PTPRM: variants seen among roughly 807,000 people sequenced by gnomAD.
The protein encoded by PTPRM is receptor-type tyrosine-protein phosphatase mu.
A neutral mutation model predicts 186.7 loss-of-function variants in PTPRM; 47 were observed. The ratio of observed to expected loss-of-function variants is 0.25; its 90% confidence interval spans 0.20 to 0.32. The LOEUF (loss-of-function observed/expected upper bound fraction) is 0.32. PTPRM is among the 10% of genes least tolerant of loss of function. The pLI, the probability that PTPRM is intolerant of heterozygous loss-of-function variation, is 1.00. For synonymous variants in PTPRM, 668 were observed against 674.9 expected (o/e 0.99, Z 0.16); for missense variants, 1,494 against 1,865.0 (o/e 0.80, Z 3.66).
intron 32 of PTPRM, among the ~76,000 whole-genome samples, chr18:8,400,787 G>A (rs566083334): frequency 1.6e-4 from 24 of 152,344 alleles, no homozygotes; most frequent in Middle Eastern, 3.4e-3. Flanking sequence ...GGGGCCTACA[G>A]CTCTCCCCCT....
At position 8,024,583 on chromosome 18, in the gene PTPRM, G is replaced by C. The variant is rs550352942; in HGVS notation, c.1133-45103G>C. ...CACTCAACTTATAGGTGACCATTTT[G>C]CACTTCAGAGCCTTAAATTGTCCAT... On this transcript the variant is annotated intron_variant, in intron 7 of 32. Coordinates refer to ENST00000580170, the MANE Select transcript of PTPRM (RefSeq NM_001105244.2). Among the ~76,000 whole-genome samples the C allele has an allele frequency of 2.0e-5, 3 of 151,594 alleles. No individual in the cohort carries two copies. In the South Asian group the frequency reaches 6.2e-4, roughly 32 times the overall value.
At chr18:7,634,521 G>A (rs940280391) in intron 1 of PTPRM, among the ~76,000 whole-genome samples, 8 of 152,138 alleles carry the variant, frequency 5.3e-5, no homozygotes, top group Admixed American at 5.2e-4. Context: ...CTTGTTAAAG[G>A]TCTATTCCTT....
chr18:7,884,881 G>A (rs1398842684), intron 2 of PTPRM, among the ~76,000 whole-genome samples: 2 of 117,800 alleles, frequency 1.7e-5, no homozygotes, highest in Non-Finnish European at 3.2e-5. Flanking sequence ...CTGAGATCAC[G>A]CCATTGCACT....
chr18:8,126,119 G>C (rs901618750), intron 13 of PTPRM, among the ~76,000 whole-genome samples: 6 of 147,870 alleles, frequency 4.1e-5, no homozygotes, highest in Non-Finnish European at 8.9e-5. Context: ...TGTCTGTCTT[G>C]TTCCCAGTGT....
At chr18:7,882,271 T>G (rs2048547652) in intron 2 of PTPRM, among the ~76,000 whole-genome samples, 1 of 152,232 alleles carries the variant, frequency 6.6e-6, no homozygotes, top group South Asian at 2.1e-4. Context: ...AATTCATGTT[T>G]ATTGTATTTT....
At chr18:7,912,808 T>G (rs1016779567) in intron 4 of PTPRM, among the ~76,000 whole-genome samples, 1 of 152,094 alleles carries the variant, frequency 6.6e-6, no homozygotes, top group African/African-American at 2.4e-5. Flanking sequence ...CATGAGCCAC[T>G]GCGCCCAGCC....
chr18:7,884,083 G>A (rs1271730242), intron 2 of PTPRM, among the ~76,000 whole-genome samples: 1 of 152,122 alleles, frequency 6.6e-6, no homozygotes, highest in Non-Finnish European at 1.5e-5. Flanking sequence ...GGAGGTCGAG[G>A]CTGCTATGAG....
chr18:7,979,637 G>A (rs780277875), intron 7 of PTPRM, among the ~76,000 whole-genome samples: 6 of 152,194 alleles, frequency 3.9e-5, no homozygotes, highest in Admixed American at 6.5e-5. Flanking sequence ...CTCAGGAAAC[G>A]ACATCGTTTT....
At chr18:7,804,161 C>T (rs971247723) in intron 2 of PTPRM, among the ~76,000 whole-genome samples, 8 of 152,126 alleles carry the variant, frequency 5.3e-5, no homozygotes, top group Non-Finnish European at 1.2e-4. Flanking sequence ...ACTTCATCAT[C>T]GGTTGGGGTG....
chr18:7,830,246 A>G (rs1598932644), intron 2 of PTPRM, among the ~76,000 whole-genome samples: 1 of 152,112 alleles, frequency 6.6e-6, no homozygotes, highest in Middle Eastern at 3.4e-3. Flanking sequence ...GAGGAGTGGG[A>G]CACTCCTCAG....
chr18:7,632,648 C>T (rs911722622), intron 1 of PTPRM, among the ~76,000 whole-genome samples: 2 of 152,160 alleles, frequency 1.3e-5, no homozygotes, highest in Non-Finnish European at 2.9e-5. Flanking sequence ...AAAATTCCAG[C>T]CATCAACTGT....
intron 1 of PTPRM, among the ~76,000 whole-genome samples, chr18:7,613,393 G>A (rs1021164829): frequency 3.9e-5 from 6 of 152,202 alleles, no homozygotes; most frequent in East Asian, 1.9e-4. Flanking sequence ...TGAAAATACC[G>A]GCCAGGCGCG....
intron 1 of PTPRM, among the ~76,000 whole-genome samples, chr18:7,773,619 C>T (rs1013963487): frequency 1.3e-5 from 2 of 149,374 alleles, no homozygotes; most frequent in Non-Finnish European, 3.0e-5. Flanking sequence ...AGATTTTCGC[C>T]CTGTCGCCCA....
At chr18:8,091,295 A>G (rs2090710833) in intron 11 of PTPRM, among the ~76,000 whole-genome samples, 1 of 152,166 alleles carries the variant, frequency 6.6e-6, no homozygotes. Flanking sequence ...AGGAAGGGTC[A>G]TGTCAGTATT....
chr18:7,796,001 A>G (rs1179616377), intron 2 of PTPRM, among the ~76,000 whole-genome samples: 2 of 151,700 alleles, frequency 1.3e-5, no homozygotes, highest in Non-Finnish European at 2.9e-5. Context: ...ATAGAGACAG[A>G]GTTTCACTAT....
At chr18:8,036,487 C>T (rs2086337864) in intron 7 of PTPRM, among the ~76,000 whole-genome samples, 2 of 152,128 alleles carry the variant, frequency 1.3e-5, no homozygotes, top group Admixed American at 1.3e-4. Flanking sequence ...TATATAAGTT[C>T]CTCAAGGGAG....
intron 23 of PTPRM, among the ~76,000 whole-genome samples, chr18:8,352,158 A>G (rs1219814341): frequency 1.3e-5 from 2 of 152,254 alleles, no homozygotes; most frequent in Non-Finnish European, 2.9e-5. Context: ...TGAGAACCGT[A>G]TATCAACAAT....
At chr18:8,293,417 G>A (rs1364864546) in intron 19 of PTPRM, among the ~76,000 whole-genome samples, 5 of 152,150 alleles carry the variant, frequency 3.3e-5, no homozygotes, top group African/African-American at 4.8e-5. Context: ...CATGTGGCTC[G>A]GGTCCCCACG....
chr18:8,146,282 A>G (rs2092883999), intron 14 of PTPRM, among the ~76,000 whole-genome samples: 1 of 151,898 alleles, frequency 6.6e-6, no homozygotes, highest in Non-Finnish European at 1.5e-5. Context: ...TGGCCTCCCA[A>G]AGTGCTGGGA....
Sources: gnomAD v4.1 joint callset for allele counts (sites outside exome capture counted in the v4.1 genomes callset) on GRCh38, gnomAD v4.1.1 for gene constraint, MANE v1.5 for transcripts, NCBI Gene and HGNC (gene_info 2026-07-23, HGNC 2026-07-21) for gene names.